The following SCGN variants were observed in gnomAD, a reference collection of about 807,000 sequenced individuals.
The protein encoded by SCGN is secretagogin.
In SCGN, 30 loss-of-function variants were observed where a neutral mutation model predicts 39.7. The ratio of observed to expected loss-of-function variants is 0.76; its 90% CI spans 0.57 to 1.03. The LOEUF (loss-of-function observed/expected upper bound fraction) is 1.03. Among genes scored for constraint, SCGN ranks in the 50% least tolerant of loss-of-function variants. The pLI is 0.00. For synonymous variants in SCGN, 106 were observed against 114.1 expected, an observed-to-expected ratio of 0.93 and a Z score of 0.45; for missense variants, 353 against 349.4, an observed-to-expected ratio of 1.01 and a Z score of -0.08.
chr6:25,670,472 GA>G (rs764339591), intron 6 of SCGN, among the ~76,000 whole-genome samples: 8 of 152,218 alleles, frequency 5.3e-5, no homozygotes, highest in Non-Finnish European at 8.8e-5. Context: ...TTAGCATGTT[GA>G]TTTAGTGCAG....
At chr6:25,675,744 C>G (rs886493231) in intron 6 of SCGN, among the ~76,000 whole-genome samples, 1 of 152,198 alleles carries the variant, frequency 6.6e-6, no homozygotes, top group Middle Eastern at 3.2e-3. Flanking sequence ...TTCTCTGGGT[C>G]TAGGTATTCA....
intron 3 of SCGN, 79 bp from the exon 4 acceptor site, chr6:25,664,864 A>C: frequency 9.5e-7 from 1 of 1,050,222 alleles, no homozygotes; most frequent in East Asian, 2.4e-5. Context: ...AATATGCACC[A>C]CCATGCCTTT....
rs141225628 is a variant in SCGN at position 25,658,149 on chromosome 6, C to T, written c.154-3403C>T. On this transcript the variant is annotated intron_variant, in intron 2 of 10. Transcript: ENST00000377961. ...CCGCCTCACGGGTTCAAGCTATTCT[C>T]CTGCCTCAGCCTCCCGAGTAGCTGG... Among the ~76,000 whole-genome samples, 1,179 of 149,968 alleles carry T rather than the reference C, an allele frequency of 7.9e-3. 7 individuals are homozygous for T. The highest frequency in any genetic ancestry group is 0.014 in the Non-Finnish European group (932 of 67,572).
Position 25,691,058 on chromosome 6 carries a change from T to G in SCGN, c.636T>G (p.Ser212Arg). The change falls in exon 10 of 11, where the codon AGT (serine) becomes AGG (arginine). Residue 212 changes from serine to arginine, a missense_variant and splice_region_variant. Ser to Arg is a moderately radical substitution (Grantham distance 110). Transcript: ENST00000377961. ...FEKIFAYYDV[S>R]KTGALEGPEV... Reference sequence around the variant, plus strand: ...CAATTGGATCTTTTCTTTTTCAGAGTAAAACAGGAGCCCTGGAAGGCCCAG... The same window carrying G: ...CAATTGGATCTTTTCTTTTTCAGAGGAAAACAGGAGCCCTGGAAGGCCCAG... 1 of 1,613,176 alleles carries G rather than the reference T, an allele frequency of 6.2e-7. No homozygotes were observed. Among genetic ancestry groups the G allele is most frequent in the Non-Finnish European group, 8.5e-7 (1 of 1,179,408 alleles).
At chr6:25,656,049 A>G (rs1055523425) in intron 2 of SCGN, among the ~76,000 whole-genome samples, 1 of 152,220 alleles carries the variant, frequency 6.6e-6, no homozygotes, top group Non-Finnish European at 1.5e-5. Context: ...CTGGACAACC[A>G]TGATTAAGGA....
intron 7 of SCGN, among the ~76,000 whole-genome samples, 161 bp downstream of exon 7, chr6:25,682,167 T>TAACAG (rs1759645132): frequency 6.6e-6 from 1 of 152,164 alleles, no homozygotes; most frequent in East Asian, 1.9e-4. Context: ...TCTTTTAGGG[T>TAACAG]AACAGATCCC....
intron 4 of SCGN, 55 bp downstream of exon 4, chr6:25,665,087 C>A: frequency 1.5e-6 from 2 of 1,362,614 alleles, no homozygotes; most frequent in Non-Finnish European, 2.1e-6. Context: ...AGGCTACGAT[C>A]TTAGCCACCT....
At chr6:25,695,069 A>C (rs1462301622) in intron 10 of SCGN, among the ~76,000 whole-genome samples, 1 of 152,136 alleles carries the variant, frequency 6.6e-6, no homozygotes, top group African/African-American at 2.4e-5. Flanking sequence ...TAATTCTTGG[A>C]CAATCATATG....
intron 2 of SCGN, among the ~76,000 whole-genome samples, chr6:25,653,678 T>C (rs1252984894): frequency 6.6e-6 from 1 of 152,216 alleles, no homozygotes; most frequent in South Asian, 2.1e-4. Context: ...GTAACATCTG[T>C]CATCCACTCA....
intron 7 of SCGN, 113 bp from the exon 8 acceptor site, chr6:25,689,059 C>A: frequency 1.5e-6 from 1 of 646,522 alleles, no homozygotes; most frequent in African/African-American, 1.8e-5. Context: ...CTTTCAAGTA[C>A]CTATTCTGTT....
chr6:25,665,553 C>G (rs1393379469), intron 4 of SCGN, among the ~76,000 whole-genome samples: 1 of 152,182 alleles, frequency 6.6e-6, no homozygotes, highest in Non-Finnish European at 1.5e-5. Flanking sequence ...AAGGCGGTAT[C>G]AATGGCCTCT....
Position 25,661,604 on chromosome 6 carries a change from C to T in SCGN, c.206C>T (p.Thr69Ile), listed in dbSNP as rs1760338861. ...AAGGTGAAACAGCAGTTTATGACTA[C>T]CCAAGATGCCTCTAAAGATGGTCGC... ...LHKVKQQFMT[T>I]QDASKDGRIR... The change falls in exon 3 of 11, where the codon ACC becomes ATC. Residue 69 changes from threonine (T) to isoleucine (I), a missense_variant. Physicochemically the swap from Thr to Ile is moderately conservative, Grantham distance 89 (BLOSUM62 -1). Coordinates refer to ENST00000377961, the MANE Select transcript of SCGN (RefSeq NM_006998.4). 1.7e-5 allele frequency: 28 copies of T among 1,613,452 alleles called. No homozygotes were observed. The highest frequency in any genetic ancestry group is 2.2e-5 in the Non-Finnish European group (26 of 1,179,632).
intron 6 of SCGN, among the ~76,000 whole-genome samples, chr6:25,679,970 ATATACT>A (rs1759617301): frequency 6.6e-6 from 1 of 152,228 alleles, no homozygotes; most frequent in Admixed American, 6.5e-5. Flanking sequence ...CTGGTGACAG[ATATACT>A]TAGATTAAAA....
intron 2 of SCGN, among the ~76,000 whole-genome samples, chr6:25,660,425 G>GT (rs1414759514): frequency 6.6e-6 from 1 of 152,174 alleles, no homozygotes; most frequent in African/African-American, 2.4e-5. Flanking sequence ...CCAGAATTGT[G>GT]TTTGGCACAT....
intron 3 of SCGN, among the ~76,000 whole-genome samples, chr6:25,664,029 C>T (rs1235231228): frequency 6.6e-6 from 1 of 152,100 alleles, no homozygotes; most frequent in African/African-American, 2.4e-5. Context: ...ACAACATACA[C>T]TACAATACTC....
At chr6:25,699,292 A>G (rs1000472755) in intron 10 of SCGN, among the ~76,000 whole-genome samples, 1 of 152,164 alleles carries the variant, frequency 6.6e-6, no homozygotes, top group Non-Finnish European at 1.5e-5. Context: ...ATTCCCGTTA[A>G]TAGTTTGAAA....
In SCGN at chr6:25,652,250, C is replaced by T; in HGVS notation, c.-154C>T. The T allele has an allele frequency of 3.1e-6, 2 of 643,816 alleles. No homozygotes were observed. The highest frequency in any genetic ancestry group is 5.4e-6 in the Non-Finnish European group (2 of 368,742). The allele number at this position is 643,816 out of a possible 1,614,324, so 39.9% of individuals were successfully genotyped here. ...GAGGGACGGCTCAGCGACGCCACGG[C>T]CAGCAGCGCTCGCGTCCTCCCCAGC... On this transcript the variant is annotated 5_prime_UTR_variant, in exon 1 of 11. Transcript: ENST00000377961.
At chr6:25,691,303 T>C (rs1759771098) in intron 10 of SCGN, among the ~76,000 whole-genome samples, 179 bp downstream of exon 10, 1 of 152,218 alleles carries the variant, frequency 6.6e-6, no homozygotes, top group African/African-American at 2.4e-5. Context: ...TTTCTTAAGA[T>C]TGTAGTTTAA....
chr6:25,690,013 A>G (rs1424742286), intron 9 of SCGN, among the ~76,000 whole-genome samples: 1 of 152,224 alleles, frequency 6.6e-6, no homozygotes, highest in Non-Finnish European at 1.5e-5. Flanking sequence ...ACATGATAGT[A>G]TGATGTAAGA....
Sources: gnomAD v4.1 joint callset for allele counts (sites outside exome capture counted in the v4.1 genomes callset) on GRCh38, gnomAD v4.1.1 for gene constraint, MANE v1.5 for transcripts, NCBI Gene and HGNC (gene_info 2026-07-23, HGNC 2026-07-21) for gene names.